Variants in SV2C observed in about 807,000 individuals in gnomAD.
SV2C encodes synaptic vesicle glycoprotein 2C.
In SV2C, 49 loss-of-function variants were observed where a neutral mutation model predicts 79.7. The ratio of observed to expected loss-of-function variants is 0.61; its 90% CI spans 0.49 to 0.78. The LOEUF is 0.78. SV2C is among the 30% of genes least tolerant of loss of function. The pLI, the probability that SV2C is intolerant of heterozygous loss-of-function variation, is 0.00. For synonymous variants in SV2C, 334 were observed against 333.2 expected, an observed-to-expected ratio of 1.00 and a Z score of -0.03; for missense variants, 833 against 912.9, an observed-to-expected ratio of 0.91 and a Z score of 1.13.
At chr5:76,113,640 C>T (rs1411194753) in intron 1 of SV2C, among the ~76,000 whole-genome samples, 1 of 152,152 alleles carries the variant, frequency 6.6e-6, no homozygotes, top group Non-Finnish European at 1.5e-5. Context: ...GTCCTTGTCC[C>T]CCAATATCTA....
At chr5:75,969,702 A>G in the SV2C span, among the ~76,000 whole-genome samples, 1 of 152,202 alleles carries the variant, frequency 6.6e-6, no homozygotes, top group East Asian at 1.9e-4. Context: ...AAAGAGACTT[A>G]GACTCCCACT....
intron 12 of SV2C, among the ~76,000 whole-genome samples, chr5:76,351,137 T>C (rs951976691): frequency 3.3e-5 from 5 of 152,178 alleles, no homozygotes; most frequent in African/African-American, 9.7e-5. Context: ...GAGGCGGCCA[T>C]TGACCTGAAT....
At chr5:75,864,934 T>G in the SV2C span, among the ~76,000 whole-genome samples, 1 of 152,144 alleles carries the variant, frequency 6.6e-6, no homozygotes, top group African/African-American at 2.4e-5. Context: ...CAGACTGCTA[T>G]GCAAGCAACC....
chr5:75,903,340 T>C, the SV2C span, among the ~76,000 whole-genome samples: 1 of 151,162 alleles, frequency 6.6e-6, no homozygotes, highest in Non-Finnish European at 1.5e-5. Flanking sequence ...GTGTTGTGTG[T>C]AGGAGTGAGA....
chr5:76,259,427 G>A (rs1746393817), intron 4 of SV2C, among the ~76,000 whole-genome samples: 1 of 152,120 alleles, frequency 6.6e-6, no homozygotes, highest in South Asian at 2.1e-4. Context: ...TGATTATTCA[G>A]TAATAATACT....
chr5:75,913,122 C>T, the SV2C span, among the ~76,000 whole-genome samples: 2 of 152,144 alleles, frequency 1.3e-5, no homozygotes, highest in Non-Finnish European at 2.9e-5. Flanking sequence ...GAGGCTTGGA[C>T]CCAGCCTAGG....
chr5:76,115,914 G>A (rs1415527333), intron 1 of SV2C, among the ~76,000 whole-genome samples: 1 of 152,192 alleles, frequency 6.6e-6, no homozygotes. Flanking sequence ...TTCTCTGCCT[G>A]AGCCCCTTTA....
intron 3 of SV2C, among the ~76,000 whole-genome samples, chr5:76,201,875 A>G (rs948852465): frequency 3.3e-5 from 5 of 151,934 alleles, no homozygotes; most frequent in Admixed American, 2.6e-4. Context: ...AAAATTAGCC[A>G]GGCGTGGTGG....
the SV2C span, among the ~76,000 whole-genome samples, chr5:75,852,628 A>G: frequency 3.9e-5 from 6 of 152,152 alleles, no homozygotes; most frequent in Admixed American, 6.5e-5. Flanking sequence ...TATTTCGTCT[A>G]TAGATCTTCA....
At chr5:75,913,735 T>C in the SV2C span, among the ~76,000 whole-genome samples, 2 of 152,188 alleles carry the variant, frequency 1.3e-5, no homozygotes, top group Non-Finnish European at 2.9e-5. Flanking sequence ...CTCTTGGCCC[T>C]GTTTCAGAAA....
At chr5:76,139,024 C>A (rs1749162951) in intron 2 of SV2C, among the ~76,000 whole-genome samples, 1 of 151,740 alleles carries the variant, frequency 6.6e-6, no homozygotes. Context: ...GAGGCTGAGG[C>A]AGGAGAATGG....
chr5:75,965,497 G>A, the SV2C span, among the ~76,000 whole-genome samples: 1 of 152,088 alleles, frequency 6.6e-6, no homozygotes, highest in Non-Finnish European at 1.5e-5. Flanking sequence ...ACAGTGAAAA[G>A]ACACTCTCTC....
intron 2 of SV2C, among the ~76,000 whole-genome samples, chr5:76,168,927 G>C (rs1364575218): frequency 6.6e-6 from 1 of 152,044 alleles, no homozygotes; most frequent in Non-Finnish European, 1.5e-5. Context: ...TTTATCCTGG[G>C]GATCTCATTT....
chr5:75,856,155 A>G, the SV2C span, among the ~76,000 whole-genome samples: 1 of 152,116 alleles, frequency 6.6e-6, no homozygotes, highest in Non-Finnish European at 1.5e-5. Flanking sequence ...GTAGTACTCT[A>G]TTGTGTATAT....
At chr5:76,106,314 A>G (rs941483853) in intron 1 of SV2C, among the ~76,000 whole-genome samples, 3 of 151,992 alleles carry the variant, frequency 2.0e-5, no homozygotes, top group African/African-American at 7.3e-5. Context: ...TCCCATCTGA[A>G]CTACCTGAAT....
At chr5:76,117,713 TA>T (rs141486985) in intron 1 of SV2C, among the ~76,000 whole-genome samples, 84 of 151,566 alleles carry the variant, frequency 5.5e-4, no homozygotes, top group African/African-American at 1.7e-3. Context: ...GTTATTTATT[TA>T]AAAAAAAATC....
At chr5:76,029,277 A>G in the SV2C span, among the ~76,000 whole-genome samples, 8 of 152,222 alleles carry the variant, frequency 5.3e-5, no homozygotes, top group African/African-American at 1.9e-4. Context: ...AATACAATAC[A>G]TTGTTGTTAA....
At chr5:76,148,517 G>T (rs566957114) in intron 2 of SV2C, among the ~76,000 whole-genome samples, 1 of 151,974 alleles carries the variant, frequency 6.6e-6, no homozygotes, top group Non-Finnish European at 1.5e-5. Flanking sequence ...TGATGCAGTC[G>T]CTGCTCACTG....
the SV2C span, among the ~76,000 whole-genome samples, chr5:76,034,793 T>C: frequency 6.6e-6 from 1 of 152,240 alleles, no homozygotes; most frequent in Non-Finnish European, 1.5e-5. Context: ...TCCCTCTTTT[T>C]CTATTGATTG....
Sources: allele counts gnomAD v4.1 joint callset (sites outside exome capture counted in the v4.1 genomes callset), GRCh38; gene constraint gnomAD v4.1.1; transcripts MANE v1.5; gene names NCBI Gene and HGNC (gene_info 2026-07-23, HGNC 2026-07-21).